The following UTP20 variants were observed in gnomAD, a reference collection of about 807,000 sequenced individuals.
The protein encoded by UTP20 is small subunit processome component 20 homolog.
UTP20 carries 164 observed loss-of-function variants against 329.5 expected under a neutral mutation model. The observed-to-expected ratio is 0.50, with a 90% CI of 0.44 to 0.57. UTP20 has a LOEUF of 0.57. Ranked by LOEUF, UTP20 falls within the 20% of genes least tolerant of loss-of-function variation. UTP20 has a pLI of 0.00. For missense variants in UTP20, 3,055 were observed against 3,284.2 expected, an observed-to-expected ratio of 0.93 and a Z score of 1.71; for synonymous variants, 1,151 against 1,159.3, an observed-to-expected ratio of 0.99 and a Z score of 0.14.
chr12:101,339,245 G>A (rs753749107), intron 31 of UTP20, among the ~76,000 whole-genome samples: 38 of 152,070 alleles, frequency 2.5e-4, no homozygotes, highest in Non-Finnish European at 4.3e-4. Context: ...CCCAGGAGGC[G>A]GAGGTTGCAG....
rs1357050671 is a variant in UTP20 at position 101,299,746 on chromosome 12, C to G, written c.1495C>G (p.His499Asp). The G allele has an allele frequency of 6.2e-6, 10 of 1,612,740 alleles. No homozygotes were observed. The highest frequency in any genetic ancestry group is 1.7e-5 in the Admixed American group (1 of 59,854). The change falls in exon 13 of 62, where the codon CAT (histidine) becomes GAT (aspartate). Residue 499 changes from histidine (H) to aspartate (D), a missense_variant. Coordinates refer to ENST00000261637, the MANE Select transcript of UTP20 (RefSeq NM_014503.3). ...AAACGAACAGTTTCCAGTATTGGAC[C>G]ATCTTTTATCTATAATTAAGTTACC... ...GRNEQFPVLD[H>D]LLSIIKLPPN...
At chr12:101,313,248 G>GC (rs1872851483) in intron 21 of UTP20, among the ~76,000 whole-genome samples, 1 of 152,134 alleles carries the variant, frequency 6.6e-6, no homozygotes, top group Non-Finnish European at 1.5e-5. Context: ...GTTAGGTCAA[G>GC]CAGGCCATAA....
At chr12:101,301,860 A>G (rs992909148) in intron 14 of UTP20, among the ~76,000 whole-genome samples, 6 of 152,154 alleles carry the variant, frequency 3.9e-5, no homozygotes, top group Admixed American at 1.3e-4. Context: ...GAGTGGGACC[A>G]TTATACTTGG....
chr12:101,357,459 C>T (rs1028350099), intron 43 of UTP20, among the ~76,000 whole-genome samples: 7 of 152,022 alleles, frequency 4.6e-5, no homozygotes, highest in Non-Finnish European at 8.8e-5. Flanking sequence ...ATGTAAATTA[C>T]AAAATAAGGG....
chr12:101,302,835 G>A (rs1448299889), intron 15 of UTP20, among the ~76,000 whole-genome samples: 1 of 152,188 alleles, frequency 6.6e-6, no homozygotes, highest in Non-Finnish European at 1.5e-5. Context: ...CAACTGTAAC[G>A]TGGCATGATG....
chr12:101,322,138 C>T (rs768263938), intron 25 of UTP20, among the ~76,000 whole-genome samples: 4 of 152,010 alleles, frequency 2.6e-5, no homozygotes, highest in Non-Finnish European at 2.9e-5. Flanking sequence ...CACAAGCGTG[C>T]GCCACCATGC....
rs1284424760 is a variant in UTP20 at position 101,363,659 on chromosome 12, A to T, written c.5874A>T (p.Arg1958Ser). ...TCTCCAAAGTCATGGAAGCACGAAGAAGCAAAAGTTACGACTCTTATGAAA... is the reference window on the plus strand; with the variant it reads ...TCTCCAAAGTCATGGAAGCACGAAGTAGCAAAAGTTACGACTCTTATGAAA... ...QILSKVMEAR[R>S]SKSYDSYEIL... is the part of the protein sequence containing the mutation. Residue 1958 changes from arginine to serine, a missense_variant, in exon 45 of 62, where the codon AGA becomes AGT. By Grantham distance (110) the Arg-to-Ser change is moderately radical (BLOSUM62 -1). Transcript: ENST00000261637. 6.2e-7 allele frequency: 1 copy of T among 1,614,010 alleles called. No individual in the cohort carries two copies. The highest frequency in any genetic ancestry group is 1.3e-5 in the African/African-American group (1 of 75,064).
chr12:101,376,729 C>T (rs903591040), intron 56 of UTP20, among the ~76,000 whole-genome samples: 1 of 152,114 alleles, frequency 6.6e-6, no homozygotes, highest in East Asian at 1.9e-4. Context: ...ACACTGCAAC[C>T]TCCTCCGCCT....
intron 2 of UTP20, among the ~76,000 whole-genome samples, chr12:101,282,180 A>G (rs534282355): frequency 2.9e-4 from 44 of 152,296 alleles, no homozygotes; most frequent in Non-Finnish European, 5.9e-4. Context: ...CCACTGTGTA[A>G]ATTCAATGTG....
At chr12:101,297,478 G>T (rs1394308146) in intron 12 of UTP20, among the ~76,000 whole-genome samples, 1 of 152,174 alleles carries the variant, frequency 6.6e-6, no homozygotes, top group Non-Finnish European at 1.5e-5. Context: ...GCCTCTCAAA[G>T]TGTTGGGGTT....
At chr12:101,362,095 T>TAA (rs774624295) in intron 44 of UTP20, 35 bp downstream of exon 44, 5 of 1,493,796 alleles carry the variant, frequency 3.3e-6, no homozygotes, top group Non-Finnish European at 4.6e-6. Flanking sequence ...AATTTTTTTT[T>TAA]AAGTGGGCCA....
chr12:101,353,473 A>G (rs1035711249), intron 40 of UTP20, among the ~76,000 whole-genome samples: 1 of 152,214 alleles, frequency 6.6e-6, no homozygotes, highest in Non-Finnish European at 1.5e-5. Context: ...TAAAGCAGCA[A>G]TTGGTGAAAA....
At chr12:101,336,610 A>T (rs908439746) in intron 29 of UTP20, among the ~76,000 whole-genome samples, 2 of 152,188 alleles carry the variant, frequency 1.3e-5, no homozygotes, top group Non-Finnish European at 2.9e-5. Context: ...CCAGCATAGC[A>T]GTCTCTTCTT....
intron 43 of UTP20, 57 bp from the exon 44 acceptor site, chr12:101,361,904 AT>A: frequency 1.5e-6 from 2 of 1,359,122 alleles, no homozygotes; most frequent in South Asian, 1.2e-5. Flanking sequence ...CCTAGATCTT[AT>A]GTTTTCCTAG....
intron 8 of UTP20, 65 bp from the exon 9 acceptor site, chr12:101,291,677 T>C: frequency 1.4e-6 from 2 of 1,469,948 alleles, no homozygotes; most frequent in Admixed American, 2.4e-5. Flanking sequence ...CCCACAGTTT[T>C]TATTGTTGGA....
chr12:101,290,091 G>A, intron 6 of UTP20, 46 bp from the exon 7 acceptor site: 1 of 1,395,540 alleles, frequency 7.2e-7, no homozygotes, highest in East Asian at 2.4e-5. Context: ...ATTTGGATAT[G>A]TTTATGTTTG....
rs138675773 is a variant in UTP20, at chr12:101,319,275, T to C, written c.2739-270T>C. On this transcript the variant is annotated intron_variant, in intron 22 of 61. Transcript: ENST00000261637. ...GAATATTTTACTAGTTTGGTTACTT[T>C]CTAATTTTTGTTCAATTTAAACCAT... Among the ~76,000 whole-genome samples the C allele has an allele frequency of 5.3e-4, 81 of 152,354 alleles. 1 individual carries two copies. In the East Asian group the frequency reaches 0.014, roughly 26 times the overall value.
At position 101,354,898 on chromosome 12, in the gene UTP20, A is replaced by T; in HGVS notation, c.5174A>T (p.Glu1725Val). ...GAATTAGAGCGTGTGGATGAGGAAG[A>T]GAAGGAATATACATGCAAGAGTTTG... ...AMELERVDEE[E>V]KEYTCKSLSD... is the part of the protein sequence containing the mutation. Residue 1725 changes from glutamate to valine, a missense_variant, in exon 41 of 62, where the codon GAG (glutamate) becomes GTG (valine). Coordinates refer to ENST00000261637, the MANE Select transcript of UTP20 (RefSeq NM_014503.3). 6.2e-7 allele frequency: 1 copy of T among 1,614,194 alleles called. No individual in the cohort carries two copies. The highest frequency in any genetic ancestry group is 1.1e-5 in the South Asian group (1 of 91,088).
Position 101,292,196 on chromosome 12 carries a change from G to A in UTP20, c.1173+92G>A, listed in dbSNP as rs142143298. ...GGAATACAAGTGAAGTGTGACAAAG[G>A]CTCTGCCCTCAAGGAATTTATAATC... On this transcript the variant is annotated intron_variant, in intron 10 of 61. Transcript: ENST00000261637. 3.1e-3 allele frequency: 4,227 copies of A among 1,372,120 alleles called. 10 individuals carry two copies. Among genetic ancestry groups the A allele is most frequent in the Non-Finnish European group, 3.8e-3 (3,839 of 1,023,474 alleles). The allele number at this position is 1,372,120 out of a possible 1,614,324, so 85.0% of individuals were successfully genotyped here. A position where few individuals can be genotyped will look rare whatever the true frequency, so the allele number is the denominator to read the frequency against.
Sources: gnomAD v4.1 joint callset for allele counts (sites outside exome capture counted in the v4.1 genomes callset) on GRCh38, gnomAD v4.1.1 for gene constraint, MANE v1.5 for transcripts, NCBI Gene and HGNC (gene_info 2026-07-23, HGNC 2026-07-21) for gene names.